Variants in TBC1D22B observed in about 807,000 individuals in gnomAD.
TBC1D22B encodes the protein TBC1 domain family member 22B.
Under a neutral mutation model 69.1 loss-of-function variants are expected in TBC1D22B, and 32 were observed. That is an observed-to-expected ratio of 0.46 (90% confidence interval 0.35 to 0.62). TBC1D22B has a LOEUF of 0.62. Among genes scored for constraint, TBC1D22B ranks in the 20% least tolerant of loss-of-function variants. The probability of loss-of-function intolerance (pLI) is 0.00; values close to 1 mark genes in which losing one functional copy is unlikely to be tolerated. For missense variants in TBC1D22B, 462 were observed against 630.9 expected (o/e 0.73, Z 2.87); for synonymous variants, 206 against 229.8 (o/e 0.90, Z 0.94).
chr6:37,311,977 T>C (rs1767927812), intron 8 of TBC1D22B, among the ~76,000 whole-genome samples: 1 of 152,214 alleles, frequency 6.6e-6, no homozygotes, highest in African/African-American at 2.4e-5. Context: ...ACATAGCCTT[T>C]TCCTTCTTCA....
intron 3 of TBC1D22B, among the ~76,000 whole-genome samples, chr6:37,281,718 T>C (rs534373476): frequency 2.6e-5 from 4 of 152,310 alleles, no homozygotes; most frequent in African/African-American, 9.6e-5. Context: ...TCATCATTCC[T>C]TATGTGCTCT....
At position 37,296,781 on chromosome 6, in the gene TBC1D22B, TAC is replaced by T. The variant is rs1049645956; in HGVS notation, c.982+5434_982+5435del. ...TGTATCTCTGAAAAGTATATATGTA[TAC>T]ACACACACATACACACACGTGCACA... On this transcript the variant is annotated intron_variant, in intron 8 of 12. Transcript: ENST00000373491. 3.9e-5 allele frequency among the ~76,000 whole-genome samples: 6 copies of T among 152,004 alleles called. No homozygotes were observed. The South Asian group carries it at 8.3e-4, about 21-fold the overall frequency.
rs1233323121 is a variant in TBC1D22B at position 37,287,013 on chromosome 6, A to G, written c.808A>G (p.Ile270Val). The change falls in exon 7 of 13, where the codon ATT becomes GTT. Residue 270 changes from isoleucine to valine, a missense_variant. By Grantham distance (29) the Ile-to-Val change is conservative. This residue lies in a region of TBC1D22B where 225 missense variants were observed against 375.4 expected (regional missense o/e 0.60). Coordinates refer to ENST00000373491, the MANE Select transcript of TBC1D22B (RefSeq NM_017772.4). ...CATGCCTTCTCTTTTTCAGATTCAC[A>G]TTGACATTCCAAGGACGAATCCTCT... is the stretch of plus-strand genomic sequence containing the variant. Reference protein sequence around the residue: ...HHQDTYRQIHIDIPRTNPLIP... With the variant: ...HHQDTYRQIHVDIPRTNPLIP... The G allele has an allele frequency of 6.3e-7, 1 of 1,598,686 alleles. No individual in the cohort carries two copies. The highest frequency in any genetic ancestry group is 8.5e-7 in the Non-Finnish European group (1 of 1,175,316).
chr6:37,258,594 A>G (rs1169495531), intron 1 of TBC1D22B, among the ~76,000 whole-genome samples: 1 of 152,174 alleles, frequency 6.6e-6, no homozygotes, highest in African/African-American at 2.4e-5. Flanking sequence ...TCCAACCCCA[A>G]GTGACTTCTT....
At chr6:37,317,618 T>C (rs891498883) in intron 12 of TBC1D22B, among the ~76,000 whole-genome samples, 2 of 152,098 alleles carry the variant, frequency 1.3e-5, no homozygotes, top group Non-Finnish European at 2.9e-5. Context: ...TCATAGTAAA[T>C]AGTAAATTGA....
rs139151596 is a variant in TBC1D22B at position 37,304,130 on chromosome 6, G to C, written c.983-8788G>C. ...CAGTGAGTTACACTTTTCTGATACT[G>C]TGCTGAATTAGCCGAAAGTTCTCTC... On this transcript the variant is annotated intron_variant, in intron 8 of 12. Coordinates refer to ENST00000373491, the MANE Select transcript of TBC1D22B (RefSeq NM_017772.4). Among the ~76,000 whole-genome samples, 68 of 152,316 alleles carry C rather than the reference G, an allele frequency of 4.5e-4. No homozygotes were observed. In the East Asian group the frequency reaches 0.013, roughly 29 times the overall value.
chr6:37,286,992 C>T lies in TBC1D22B; in HGVS notation c.802-15C>T, dbSNP rs1767026955. On this transcript the variant is annotated splice_polypyrimidine_tract_variant and intron_variant, in intron 6 of 12. Coordinates refer to ENST00000373491, the MANE Select transcript of TBC1D22B (RefSeq NM_017772.4). ...ACTGGCATTTGTGTTTTTGGACATG[C>T]CTTCTCTTTTTCAGATTCACATTGA... 2 of 1,589,556 alleles carry T rather than the reference C, an allele frequency of 1.3e-6. No homozygotes were observed. Among genetic ancestry groups the T allele is most frequent in the Non-Finnish European group, 1.7e-6 (2 of 1,172,350 alleles).
Position 37,282,248 on chromosome 6 carries a change from C to A in TBC1D22B, c.485C>A (p.Pro162His). Residue 162 changes from proline (P) to histidine (H), a missense_variant, in exon 4 of 13, where the codon CCC becomes CAC. This residue lies in a region of TBC1D22B where 237 missense variants were observed against 255.4 expected (regional missense o/e 0.93). Transcript: ENST00000373491. ...QQSLPLRPII[P>H]LVARISDQNA... is the part of the protein sequence containing the mutation. ...TCACTCCCTCTCCGGCCCATCATCCCCCTCGTTGCCCGGATCTCGGATCAG... is the reference window on the plus strand; with the variant it reads ...TCACTCCCTCTCCGGCCCATCATCCACCTCGTTGCCCGGATCTCGGATCAG... 6.2e-7 allele frequency: 1 copy of A among 1,614,238 alleles called. No individual in the cohort carries two copies. Among genetic ancestry groups the A allele is most frequent in the Non-Finnish European group, 8.5e-7 (1 of 1,180,054 alleles).
At chr6:37,320,527 G>A (rs1015804647) in intron 12 of TBC1D22B, among the ~76,000 whole-genome samples, 1 of 152,056 alleles carries the variant, frequency 6.6e-6, no homozygotes, top group African/African-American at 2.4e-5. Context: ...GCAATGAGGC[G>A]AGCTTTAAAA....
chr6:37,281,489 G>A (rs1766827282), intron 3 of TBC1D22B, among the ~76,000 whole-genome samples: 1 of 152,248 alleles, frequency 6.6e-6, no homozygotes, highest in African/African-American at 2.4e-5. Flanking sequence ...GGTGGGAAAT[G>A]TAGGAGCACA....
At chr6:37,292,206 A>G (rs1282794639) in intron 8 of TBC1D22B, among the ~76,000 whole-genome samples, 2 of 152,182 alleles carry the variant, frequency 1.3e-5, no homozygotes, top group East Asian at 1.9e-4. Flanking sequence ...AGCTAGAACT[A>G]AAACCATTTT....
intron 8 of TBC1D22B, among the ~76,000 whole-genome samples, chr6:37,292,553 A>G (rs1024313940): frequency 6.6e-6 from 1 of 152,066 alleles, no homozygotes; most frequent in Non-Finnish European, 1.5e-5. Context: ...TTATCAAGAG[A>G]GCATTTCAGC....
chr6:37,314,884 T>G (rs577413948), intron 10 of TBC1D22B, among the ~76,000 whole-genome samples: 92 of 151,820 alleles, frequency 6.1e-4, no homozygotes, highest in African/African-American at 1.8e-3. Flanking sequence ...GACTTAGCAT[T>G]TCAATCTTCT....
rs563279194 is a variant in TBC1D22B at position 37,327,204 on chromosome 6, C to T, written c.1390-3840C>T. 1.6e-3 allele frequency among the ~76,000 whole-genome samples: 154 copies of T among 94,938 alleles called. 20 individuals carry two copies. Among genetic ancestry groups the T allele is most frequent in the Middle Eastern group, 4.9e-3 (1 of 206 alleles). The allele number at this position is 94,938 out of a possible 152,430, so 62.3% of individuals were successfully genotyped here. A position where few individuals can be genotyped will look rare whatever the true frequency, so the allele number is the denominator to read the frequency against. On this transcript the variant is annotated intron_variant, in intron 12 of 12. Transcript: ENST00000373491. The stretch of plus-strand genomic sequence containing the variant: ...AAAAATAAGTTGAGATAGGGCCGGG[C>T]GCGGTGGCTCGCGCCTGTAATCCCA...
intron 7 of TBC1D22B, among the ~76,000 whole-genome samples, chr6:37,290,877 A>G (rs1397334864): frequency 6.6e-6 from 1 of 152,128 alleles, no homozygotes; most frequent in Non-Finnish European, 1.5e-5. Context: ...ATGTCCTGAT[A>G]TCTTGCTCTT....
chr6:37,267,313 T>C (rs62406620), intron 1 of TBC1D22B, among the ~76,000 whole-genome samples: 1 of 143,978 alleles, frequency 6.9e-6, no homozygotes, highest in African/African-American at 2.6e-5. Context: ...CATACATATA[T>C]ATATATATAT....
chr6:37,322,237 C>T (rs1239661884), intron 12 of TBC1D22B, among the ~76,000 whole-genome samples: 2 of 152,136 alleles, frequency 1.3e-5, no homozygotes, highest in Non-Finnish European at 2.9e-5. Context: ...CACTCTGGTC[C>T]TAGAAAAAGG....
intron 4 of TBC1D22B, 21 bp downstream of exon 4, chr6:37,282,385 G>A (rs1210088797): frequency 6.4e-7 from 1 of 1,568,044 alleles, no homozygotes; most frequent in Admixed American, 1.9e-5. Context: ...GTGAGCCCAG[G>A]CAAGGTAGGA....
At chr6:37,289,676 T>C (rs574902375) in intron 7 of TBC1D22B, among the ~76,000 whole-genome samples, 1 of 152,316 alleles carries the variant, frequency 6.6e-6, no homozygotes, top group South Asian at 2.1e-4. Context: ...AGCTTTTTAA[T>C]AGAGGCATCT....
Sources: allele counts gnomAD v4.1 joint callset (sites outside exome capture counted in the v4.1 genomes callset), GRCh38; gene constraint gnomAD v4.1.1; regional missense constraint gnomAD v4.1.1; transcripts MANE v1.5; gene names NCBI Gene and HGNC (gene_info 2026-07-23, HGNC 2026-07-21).